The following UGT2A1 variants were observed in gnomAD, a reference collection of about 807,000 sequenced individuals.
The protein encoded by UGT2A1 is UDP-glucuronosyltransferase 2A1.
Under a neutral mutation model 45.4 loss-of-function variants are expected in UGT2A1, and 61 were observed. The observed-to-expected ratio is 1.34, with a 90% CI of 1.09 to 1.66. UGT2A1 has a LOEUF of 1.66. UGT2A1 is among the 40% of genes most tolerant of loss of function. The pLI, the probability that UGT2A1 is intolerant of heterozygous loss-of-function variation, is 0.00. For synonymous variants in UGT2A1, 229 were observed against 196.2 expected (o/e 1.17, Z -1.40); for missense variants, 649 against 574.3 (o/e 1.13, Z -1.33).
chr4:69,617,602 T>C (rs929769254), intron 3 of UGT2A1, among the ~76,000 whole-genome samples: 1 of 151,834 alleles, frequency 6.6e-6, no homozygotes, highest in African/African-American at 2.4e-5. Context: ...GCTAGTGCTA[T>C]CTATAAGTTA....
intron 4 of UGT2A1, among the ~76,000 whole-genome samples, chr4:69,598,647 C>T (rs1456853663): frequency 6.6e-6 from 1 of 152,112 alleles, no homozygotes; most frequent in Non-Finnish European, 1.5e-5. Flanking sequence ...ATTACCAAAA[C>T]TCCTTTTTGT....
chr4:69,648,331 G>T (rs567299382), intron 1 of UGT2A1, among the ~76,000 whole-genome samples: 1 of 151,068 alleles, frequency 6.6e-6, no homozygotes, highest in Non-Finnish European at 1.5e-5. Context: ...ATAAATAAAT[G>T]AATAAAATAA....
rs1228500856 is a variant in UGT2A1 at position 69,605,153 on chromosome 4, T to C, written c.848-5759A>G. Among the ~76,000 whole-genome samples, 4 of 136,734 alleles carry C rather than the reference T, an allele frequency of 2.9e-5. 1 individual carries two copies. The highest frequency in any genetic ancestry group is 6.2e-5 in the Non-Finnish European group (4 of 64,294). 89.7% of individuals were successfully genotyped at this position (136,734 alleles called of 152,430 possible). A position where few individuals can be genotyped will look rare whatever the true frequency, so the allele number is the denominator to read the frequency against. ...GCACCACACCGCACTTATTCCAAAATTGACCACATAGTTGGAAGTAAAGCA... is the reference window on the plus strand; with the variant it reads ...GCACCACACCGCACTTATTCCAAAACTGACCACATAGTTGGAAGTAAAGCA... On this transcript the variant is annotated intron_variant, in intron 3 of 6. Coordinates refer to ENST00000286604, the MANE Select transcript of UGT2A1 (RefSeq NM_001252275.3).
chr4:69,616,447 T>C (rs539061154), intron 3 of UGT2A1, among the ~76,000 whole-genome samples: 35 of 152,120 alleles, frequency 2.3e-4, no homozygotes, highest in African/African-American at 8.4e-4. Context: ...CCTGATTTGA[T>C]CATTACACAT....
intron 3 of UGT2A1, among the ~76,000 whole-genome samples, chr4:69,626,732 T>G (rs1374690538): frequency 6.6e-6 from 1 of 151,884 alleles, no homozygotes; most frequent in Non-Finnish European, 1.5e-5. Flanking sequence ...TAATTGGAAT[T>G]AAGAGATTGC....
At chr4:69,610,800 G>A (rs191557529) in intron 3 of UGT2A1, among the ~76,000 whole-genome samples, 274 of 152,264 alleles carry the variant, frequency 1.8e-3, no homozygotes, top group African/African-American at 6.1e-3. Flanking sequence ...GATTTTGGAC[G>A]TCTAGCCATC....
At chr4:69,611,092 G>T (rs1577966508) in intron 3 of UGT2A1, among the ~76,000 whole-genome samples, 1 of 150,032 alleles carries the variant, frequency 6.7e-6, no homozygotes, top group Non-Finnish European at 1.5e-5. Context: ...AAAATAGGTA[G>T]AATAAATGTT....
At chr4:69,618,201 G>GTGTGTGTA (rs879782553) in intron 3 of UGT2A1, among the ~76,000 whole-genome samples, 2 of 88,528 alleles carry the variant, frequency 2.3e-5, no homozygotes, top group African/African-American at 8.5e-5. Flanking sequence ...GTGTGTGTGT[G>GTGTGTGTA]TGTGTGTGTG....
At chr4:69,627,942 G>T (rs1055151153) in intron 3 of UGT2A1, among the ~76,000 whole-genome samples, 27 of 151,734 alleles carry the variant, frequency 1.8e-4, no homozygotes, top group African/African-American at 2.4e-5. Flanking sequence ...TATGTCTTAC[G>T]AATATTCACT....
At chr4:69,596,532 T>C (rs1967984) in intron 4 of UGT2A1, 204,903 of 1,211,412 alleles carry the variant, frequency 0.17, 21,143 homozygotes, top group East Asian at 0.53. Flanking sequence ...CTAGTTTCTA[T>C]ATTTTTTTTT....
At chr4:69,595,083 T>C in intron 5 of UGT2A1, 79 bp downstream of exon 5, 1 of 1,512,018 alleles carries the variant, frequency 6.6e-7, no homozygotes, top group Non-Finnish European at 9.1e-7. Flanking sequence ...TAAAAATGTA[T>C]TGAATTTATT....
chr4:69,627,611 A>AAAGC (rs1721161832), intron 3 of UGT2A1, among the ~76,000 whole-genome samples: 1 of 151,336 alleles, frequency 6.6e-6, no homozygotes. Context: ...AGAAAGAAAG[A>AAAGC]AAGAGAAGAA....
At chr4:69,625,645 T>C (rs1425059987) in intron 3 of UGT2A1, among the ~76,000 whole-genome samples, 1 of 151,390 alleles carries the variant, frequency 6.6e-6, no homozygotes, top group South Asian at 2.1e-4. Context: ...ATATGCTTAC[T>C]TTTATGTTCT....
chr4:69,602,594 A>G (rs149915419), intron 3 of UGT2A1, among the ~76,000 whole-genome samples: 2,068 of 137,526 alleles, frequency 0.015, 387 homozygotes, highest in South Asian at 0.087. Context: ...GCTGAATGCA[A>G]AACTATAACA....
chr4:69,647,805 C>A, intron 1 of UGT2A1, 107 bp from the exon 2 acceptor site: 1 of 485,814 alleles, frequency 2.1e-6, no homozygotes, highest in Non-Finnish European at 3.5e-6. Flanking sequence ...CATAGTAGCT[C>A]CATATTTTAG....
chr4:69,648,933 C>A (rs960981453), intron 1 of UGT2A1, among the ~76,000 whole-genome samples: 1 of 151,976 alleles, frequency 6.6e-6, no homozygotes, highest in African/African-American at 2.4e-5. Context: ...GTATCACGTC[C>A]CCTTACCAAC....
At chr4:69,623,941 CT>C (rs1251462149) in intron 3 of UGT2A1, among the ~76,000 whole-genome samples, 1 of 151,414 alleles carries the variant, frequency 6.6e-6, no homozygotes, top group Non-Finnish European at 1.5e-5. Context: ...GGACAAGCAC[CT>C]TAAAAAAGCA....
chr4:69,651,744 C>G (rs149628566), intron 1 of UGT2A1, among the ~76,000 whole-genome samples: 2,202 of 152,240 alleles, frequency 0.014, 26 homozygotes, highest in Admixed American at 0.03. Context: ...ACTGCCTGGG[C>G]ACGTGCATTA....
chr4:69,592,777 A>G (rs1718662592), intron 6 of UGT2A1, among the ~76,000 whole-genome samples: 1 of 152,094 alleles, frequency 6.6e-6, no homozygotes, highest in African/African-American at 2.4e-5. Flanking sequence ...AAGATAAAAA[A>G]TGGAAATAAA....
Sources: gnomAD v4.1 joint callset for allele counts (sites outside exome capture counted in the v4.1 genomes callset) on GRCh38, gnomAD v4.1.1 for gene constraint, MANE v1.5 for transcripts, NCBI Gene and HGNC (gene_info 2026-07-23, HGNC 2026-07-21) for gene names.